Variants in NCAM2 observed in about 807,000 individuals in gnomAD.
The protein encoded by NCAM2 is N-CAM-2.
In NCAM2, 30 loss-of-function variants were observed where a neutral mutation model predicts 98.1. The observed-to-expected ratio is 0.31, with a 90% CI of 0.23 to 0.41. The LOEUF (loss-of-function observed/expected upper bound fraction) is 0.41. NCAM2 is among the 10% of genes least tolerant of loss of function. The pLI is 1.00. For missense variants in NCAM2, 867 were observed against 1,005.8 expected (o/e 0.86, Z 1.87); for synonymous variants, 368 against 342.4 (o/e 1.07, Z -0.83).
chr21:21,510,847 A>G (rs891759681), intron 16 of NCAM2, among the ~76,000 whole-genome samples: 8 of 152,050 alleles, frequency 5.3e-5, no homozygotes, highest in Non-Finnish European at 1.2e-4. Flanking sequence ...ATAAATATTC[A>G]CAAGCTGAGC....
chr21:21,239,671 A>AT (rs568931556), intron 1 of NCAM2, among the ~76,000 whole-genome samples: 23 of 150,486 alleles, frequency 1.5e-4, no homozygotes, highest in African/African-American at 2.4e-4. Context: ...AAAAGGTGGA[A>AT]TTTTTTTTTT....
chr21:21,015,381 G>A (rs901301323), intron 1 of NCAM2, among the ~76,000 whole-genome samples: 31 of 152,156 alleles, frequency 2.0e-4, no homozygotes, highest in African/African-American at 6.5e-4. Context: ...TCAACCTTGA[G>A]CAAACCCCTA....
At chr21:21,094,231 A>T (rs2066071420) in intron 1 of NCAM2, among the ~76,000 whole-genome samples, 1 of 151,966 alleles carries the variant, frequency 6.6e-6, no homozygotes, top group Non-Finnish European at 1.5e-5. Context: ...ACAAAATTCA[A>T]ATGTTTGTCA....
intron 15 of NCAM2, among the ~76,000 whole-genome samples, chr21:21,478,958 G>C (rs1178534629): frequency 6.6e-6 from 1 of 152,094 alleles, no homozygotes; most frequent in Admixed American, 6.6e-5. Context: ...TGAAACATCA[G>C]AAACCACTTC....
chr21:21,128,074 T>C (rs568719768), intron 1 of NCAM2, among the ~76,000 whole-genome samples: 18 of 152,164 alleles, frequency 1.2e-4, no homozygotes, highest in African/African-American at 4.1e-4. Context: ...AAGAACTGTA[T>C]GTAGGAAAGG....
At chr21:21,501,872 T>A (rs1987658702) in intron 15 of NCAM2, among the ~76,000 whole-genome samples, 1 of 151,974 alleles carries the variant, frequency 6.6e-6, no homozygotes, top group Admixed American at 6.6e-5. Context: ...ACTTCAGTAA[T>A]TTACAAAGCC....
chr21:21,193,569 C>T (rs966167926), intron 1 of NCAM2, among the ~76,000 whole-genome samples: 6 of 146,440 alleles, frequency 4.1e-5, no homozygotes. Context: ...GATCTCGGCT[C>T]ACTGCAACCT....
At chr21:21,184,681 C>T (rs1013533990) in intron 1 of NCAM2, among the ~76,000 whole-genome samples, 6 of 152,124 alleles carry the variant, frequency 3.9e-5, no homozygotes, top group Non-Finnish European at 8.8e-5. Flanking sequence ...ATAACAGTGT[C>T]TCTATGTCAC....
intron 1 of NCAM2, among the ~76,000 whole-genome samples, chr21:21,094,765 A>G (rs924489822): frequency 6.6e-6 from 1 of 151,814 alleles, no homozygotes; most frequent in African/African-American, 2.4e-5. Context: ...ATAACGATGT[A>G]AGTGGGTCAT....
intron 1 of NCAM2, among the ~76,000 whole-genome samples, chr21:21,078,346 CA>C (rs1376749014): frequency 6.6e-6 from 1 of 152,022 alleles, no homozygotes; most frequent in Non-Finnish European, 1.5e-5. Flanking sequence ...CAGATGTAGC[CA>C]AAGGTGAAGA....
At chr21:21,427,657 G>T (rs1376145703) in intron 11 of NCAM2, among the ~76,000 whole-genome samples, 1 of 152,102 alleles carries the variant, frequency 6.6e-6, no homozygotes, top group Non-Finnish European at 1.5e-5. Flanking sequence ...GCTTCTGGGA[G>T]TTTAATAAAC....
intron 9 of NCAM2, among the ~76,000 whole-genome samples, chr21:21,388,810 G>A (rs191747987): frequency 1.3e-5 from 2 of 152,102 alleles, no homozygotes; most frequent in East Asian, 3.9e-4. Flanking sequence ...CAAATCTAGT[G>A]GCTTATTTGA....
intron 1 of NCAM2, among the ~76,000 whole-genome samples, chr21:21,116,128 A>T (rs1001963486): frequency 2.0e-5 from 3 of 152,048 alleles, no homozygotes; most frequent in African/African-American, 7.2e-5. Flanking sequence ...GGAAAATAAA[A>T]TGTATTTTCT....
intron 1 of NCAM2, among the ~76,000 whole-genome samples, chr21:21,201,727 T>C (rs545388744): frequency 6.6e-6 from 1 of 152,324 alleles, no homozygotes; most frequent in Non-Finnish European, 1.5e-5. Flanking sequence ...GGTTCATTCC[T>C]AGCTGCACGA....
intron 1 of NCAM2, among the ~76,000 whole-genome samples, chr21:21,021,005 G>C (rs187765007): frequency 6.6e-6 from 1 of 152,036 alleles, no homozygotes; most frequent in African/African-American, 2.4e-5. Flanking sequence ...TGGTAAGGTA[G>C]GTTGGCCAGG....
chr21:21,221,360 C>CA (rs1281615712), intron 1 of NCAM2, among the ~76,000 whole-genome samples: 2 of 18 alleles, frequency 0.11, no homozygotes, highest in African/African-American at 0.17. Flanking sequence ...GTGATTCTCA[C>CA]CCAAATTTTC....
chr21:21,411,110 A>ATGTGTATATATATATATATATGTG (rs373718170), intron 10 of NCAM2, among the ~76,000 whole-genome samples: 1 of 26,972 alleles, frequency 3.7e-5, no homozygotes, highest in Non-Finnish European at 7.2e-5. Context: ...ATACATATAT[A>ATGTGTATATATATATATATATGTG]TGTATATATA....
intron 12 of NCAM2, among the ~76,000 whole-genome samples, chr21:21,457,424 G>C (rs1982314127): frequency 6.6e-6 from 1 of 152,170 alleles, no homozygotes; most frequent in African/African-American, 2.4e-5. Flanking sequence ...GGCAGATCAT[G>C]AGGTCCGGAG....
intron 1 of NCAM2, among the ~76,000 whole-genome samples, chr21:21,216,230 A>C (rs1244468322): frequency 6.6e-6 from 1 of 152,216 alleles, no homozygotes; most frequent in African/African-American, 2.4e-5. Flanking sequence ...TGGCACGAGG[A>C]GTCTCTAACA....
Sources: allele counts gnomAD v4.1 joint callset (sites outside exome capture counted in the v4.1 genomes callset), GRCh38; gene constraint gnomAD v4.1.1; transcripts MANE v1.5; gene names NCBI Gene and HGNC (gene_info 2026-07-23, HGNC 2026-07-21).